DNAAF11: variants seen among roughly 807,000 people sequenced by gnomAD.
DNAAF11 encodes dynein axonemal assembly factor 11.
In DNAAF11, 45 loss-of-function variants were observed where a neutral mutation model predicts 60.8. That is an observed-to-expected ratio of 0.74 (90% CI 0.58 to 0.95). DNAAF11 has a LOEUF of 0.95. DNAAF11 is among the 40% of genes least tolerant of loss of function. DNAAF11 has a pLI of 0.00. For synonymous variants in DNAAF11, 191 were observed against 183.5 expected (o/e 1.04, Z -0.33); for missense variants, 546 against 546.2 (o/e 1.00, Z 0.00).
At chr8:132,606,301 C>A (rs1818126155) in intron 10 of DNAAF11, among the ~76,000 whole-genome samples, 1 of 152,006 alleles carries the variant, frequency 6.6e-6, no homozygotes, top group African/African-American at 2.4e-5. Context: ...TTAGAGTGGG[C>A]TCCCTCTACT....
upstream of DNAAF11, among the ~76,000 whole-genome samples, chr8:132,680,530 C>T (rs1462836727): frequency 6.6e-6 from 1 of 151,936 alleles, no homozygotes; most frequent in Non-Finnish European, 1.5e-5. Context: ...TGATATGTAA[C>T]CAATATTGTG....
At chr8:132,607,995 A>G (rs1401587047) in intron 10 of DNAAF11, among the ~76,000 whole-genome samples, 1 of 152,182 alleles carries the variant, frequency 6.6e-6, no homozygotes, top group Non-Finnish European at 1.5e-5. Context: ...GAATAGCTCC[A>G]TGGGTTAAAC....
the DNAAF11 span, among the ~76,000 whole-genome samples, chr8:132,699,853 G>A: frequency 6.6e-6 from 1 of 152,128 alleles, no homozygotes; most frequent in Admixed American, 6.6e-5. Flanking sequence ...AATGCAATAG[G>A]TCACATATCA....
At chr8:132,675,610 G>T, upstream of DNAAF11, 1 of 1,120,198 alleles carries the variant, frequency 8.9e-7, no homozygotes, top group Non-Finnish European at 1.2e-6. Context: ...CATGGCAACG[G>T]GGACTCTACG....
chr8:132,655,777 T>C (rs979721629), intron 3 of DNAAF11, among the ~76,000 whole-genome samples: 2 of 152,070 alleles, frequency 1.3e-5, no homozygotes, highest in Non-Finnish European at 2.9e-5. Context: ...AACATACCAC[T>C]TCACACCTAT....
At chr8:132,608,385 C>T in intron 10 of DNAAF11, 2 of 372,932 alleles carry the variant, frequency 5.4e-6, no homozygotes, top group Non-Finnish European at 1.1e-5. Context: ...ATTTCATCTC[C>T]AATCAAGCAC....
chr8:132,632,737 TAC>T lies in DNAAF11; in HGVS notation c.653+1_653+2del, dbSNP rs1277477610. On this transcript the variant is annotated splice_donor_variant, in intron 5 of 11. Coordinates refer to ENST00000620350, the MANE Select transcript of DNAAF11 (RefSeq NM_012472.6). LOFTEE classifies it high-confidence loss of function. ...CTAGAAAGTAAACTAATAATTTACATACAGAGTAGCATTGATGTCTGTGTACC... is the reference window on the plus strand; with the variant it reads ...CTAGAAAGTAAACTAATAATTTACATAGAGTAGCATTGATGTCTGTGTACC... 1 of 1,596,580 alleles carries T rather than the reference TAC, an allele frequency of 6.3e-7. No individual in the cohort carries two copies. The highest frequency in any genetic ancestry group is 8.6e-7 in the Non-Finnish European group (1 of 1,164,596).
At chr8:132,641,372 T>G (rs1377861642) in intron 3 of DNAAF11, among the ~76,000 whole-genome samples, 1 of 152,208 alleles carries the variant, frequency 6.6e-6, no homozygotes, top group Non-Finnish European at 1.5e-5. Context: ...ATGTTCTTCT[T>G]TTTTTGTTTG....
At chr8:132,701,903 T>A in the DNAAF11 span, among the ~76,000 whole-genome samples, 1 of 152,146 alleles carries the variant, frequency 6.6e-6, no homozygotes, top group African/African-American at 2.4e-5. Flanking sequence ...CCTCTCTAGG[T>A]GGCCTGCTTT....
At chr8:132,586,834 T>C (rs1350895157) in intron 10 of DNAAF11, among the ~76,000 whole-genome samples, 1 of 152,160 alleles carries the variant, frequency 6.6e-6, no homozygotes, top group African/African-American at 2.4e-5. Context: ...GCTTCTTCCC[T>C]CCCTTTCCAG....
At chr8:132,666,306 CAAAG>C (rs1824621557) in intron 1 of DNAAF11, among the ~76,000 whole-genome samples, 1 of 152,022 alleles carries the variant, frequency 6.6e-6, no homozygotes, top group Non-Finnish European at 1.5e-5. Flanking sequence ...GTTTCCAACA[CAAAG>C]AAATGATAAA....
chr8:132,576,192 C>A (rs1814730934), intron 11 of DNAAF11, among the ~76,000 whole-genome samples: 1 of 152,126 alleles, frequency 6.6e-6, no homozygotes, highest in Non-Finnish European at 1.5e-5. Context: ...CTTGTTACTG[C>A]CCTGTTGTCT....
At chr8:132,698,575 C>T in the DNAAF11 span, among the ~76,000 whole-genome samples, 2 of 152,142 alleles carry the variant, frequency 1.3e-5, no homozygotes, top group East Asian at 3.9e-4. Flanking sequence ...GTCAATATTT[C>T]CACCACATGC....
chr8:132,701,789 T>C, the DNAAF11 span, among the ~76,000 whole-genome samples: 2 of 152,208 alleles, frequency 1.3e-5, no homozygotes, highest in East Asian at 3.9e-4. Context: ...CAATAAATCA[T>C]AGCAGGGGGT....
At chr8:132,639,098 T>C (rs543965636) in intron 3 of DNAAF11, among the ~76,000 whole-genome samples, 2 of 152,362 alleles carry the variant, frequency 1.3e-5, no homozygotes, top group Admixed American at 1.3e-4. Context: ...ACATGAGCTA[T>C]GATTAGAATA....
chr8:132,694,121 T>C, the DNAAF11 span, among the ~76,000 whole-genome samples: 5 of 152,106 alleles, frequency 3.3e-5, no homozygotes, highest in African/African-American at 9.7e-5. Context: ...AACCTTGAAG[T>C]TGGTAAGCAG....
At chr8:132,582,327 G>T (rs528583890) in intron 11 of DNAAF11, among the ~76,000 whole-genome samples, 1 of 152,274 alleles carries the variant, frequency 6.6e-6, no homozygotes, top group Non-Finnish European at 1.5e-5. Flanking sequence ...ACCACAGGAG[G>T]GACTGCTATG....
intron 6 of DNAAF11, 81 bp downstream of exon 6, chr8:132,625,191 A>T (rs1820126611): frequency 9.1e-7 from 1 of 1,101,104 alleles, no homozygotes; most frequent in African/African-American, 1.6e-5. Context: ...TAACACAAAT[A>T]ATGGGTCAAA....
At chr8:132,681,393 A>C in the DNAAF11 span, among the ~76,000 whole-genome samples, 1 of 149,162 alleles carries the variant, frequency 6.7e-6, no homozygotes, top group Non-Finnish European at 1.5e-5. Flanking sequence ...TACTGTCTCC[A>C]TCTTACAGAT....
Sources: allele counts gnomAD v4.1 joint callset (sites outside exome capture counted in the v4.1 genomes callset), GRCh38; gene constraint gnomAD v4.1.1; transcripts MANE v1.5; gene names NCBI Gene and HGNC (gene_info 2026-07-23, HGNC 2026-07-21).